SYTL5: variants seen among roughly 807,000 people sequenced by gnomAD.
SYTL5 encodes the protein synaptotagmin like 5.
Under a neutral mutation model 55.9 loss-of-function variants are expected in SYTL5, and 34 were observed. That is an observed-to-expected ratio of 0.61 (90% CI 0.46 to 0.81). The LOEUF is 0.81. SYTL5 is among the 30% of genes least tolerant of loss of function. The probability of loss-of-function intolerance (pLI) is 0.00; values close to 1 mark genes in which losing one functional copy is unlikely to be tolerated. For synonymous variants in SYTL5, 221 were observed against 188.7 expected, an observed-to-expected ratio of 1.17 and a Z score of -1.40; for missense variants, 637 against 546.7, an observed-to-expected ratio of 1.17 and a Z score of -1.65.
intron 3 of SYTL5, among the ~76,000 whole-genome samples, chrX:38,060,677 T>C (rs1188698680): frequency 8.9e-6 from 1 of 112,071 alleles, no homozygotes; most frequent in Non-Finnish European, 1.9e-5. Context: ...GTCAGGAGCA[T>C]GGGATTAAAA....
At chrX:37,973,760 G>A in the SYTL5 span, among the ~76,000 whole-genome samples, 6 of 110,124 alleles carry the variant, frequency 5.4e-5, no homozygotes, top group Non-Finnish European at 7.6e-5. Flanking sequence ...TCAGCCTCCC[G>A]AGTAGCTGGG....
At chrX:38,114,223 C>T (rs779953537) in intron 13 of SYTL5, among the ~76,000 whole-genome samples, 6 of 111,648 alleles carry the variant, frequency 5.4e-5, no homozygotes, top group African/African-American at 1.6e-4. Context: ...TCTACACAAC[C>T]CCCATCATAT....
intron 2 of SYTL5, among the ~76,000 whole-genome samples, chrX:38,036,199 G>C (rs775700029): frequency 1.8e-5 from 2 of 110,392 alleles, no homozygotes; most frequent in East Asian, 5.7e-4. Flanking sequence ...CCAGCTACTC[G>C]GGAGGCTGAG....
the SYTL5 span, among the ~76,000 whole-genome samples, chrX:37,972,177 C>T: frequency 9.0e-6 from 1 of 110,897 alleles, no homozygotes; most frequent in Non-Finnish European, 1.9e-5. Flanking sequence ...GAGCAAATGC[C>T]CTTTCTCTTC....
chrX:38,003,367 C>CT (rs1380574247), upstream of SYTL5, among the ~76,000 whole-genome samples: 1 of 111,287 alleles, frequency 9.0e-6, no homozygotes, highest in Non-Finnish European at 1.9e-5. Context: ...TGATAGGCAA[C>CT]TTCAGCAAAG....
intron 1 of SYTL5, among the ~76,000 whole-genome samples, chrX:38,020,687 A>T (rs1226984559): frequency 3.7e-5 from 4 of 109,384 alleles, no homozygotes; most frequent in African/African-American, 1.3e-4. Context: ...AATCAAAGGG[A>T]ATGGAGGTTT....
intron 5 of SYTL5, among the ~76,000 whole-genome samples, chrX:38,075,543 A>G (rs1936369643): frequency 8.9e-6 from 1 of 111,739 alleles, no homozygotes; most frequent in Admixed American, 9.5e-5. Context: ...CACAAAACGG[A>G]GGAAGAGTGA....
At chrX:38,081,055 A>G (rs1201113817) in intron 6 of SYTL5, among the ~76,000 whole-genome samples, 2 of 112,479 alleles carry the variant, frequency 1.8e-5, no homozygotes, top group African/African-American at 3.2e-5. Flanking sequence ...TTTATTCTAT[A>G]ATGATCGTTC....
Position 38,076,671 on chromosome X carries a change from G to A in SYTL5, c.659G>A (p.Arg220Gln), listed in dbSNP as rs765804479. ...YSLDLDGQHF[R>Q]SLKSPPGSDR... The stretch of plus-strand genomic sequence containing the variant: ...TTGGACTTAGACGGTCAACATTTTC[G>A]GAGTTTAAAATCACCTCCTGGTTCA... The change falls in exon 6 of 17, where the codon CGG (arginine) becomes CAG (glutamine). Residue 220 changes from arginine to glutamine, a missense_variant. Arg to Gln is a conservative substitution (Grantham distance 43, BLOSUM62 1). Transcript: ENST00000297875. 1.5e-5 allele frequency: 18 copies of A among 1,208,631 alleles called. No homozygotes were observed. Among genetic ancestry groups the A allele is most frequent in the South Asian group, 5.3e-5 (3 of 56,673 alleles).
At chrX:38,053,302 T>C (rs1352778321) in intron 2 of SYTL5, among the ~76,000 whole-genome samples, 5 of 112,618 alleles carry the variant, frequency 4.4e-5, no homozygotes, top group African/African-American at 6.4e-5. Context: ...AGAAGGGACA[T>C]GGAACCTATG....
chrX:37,936,865 A>C, the SYTL5 span, among the ~76,000 whole-genome samples: 1 of 105,540 alleles, frequency 9.5e-6, no homozygotes, highest in African/African-American at 3.6e-5. Context: ...AACATGGAGA[A>C]ACCCTGTCTC....
At chrX:38,117,018 G>T (rs1025655045) in intron 13 of SYTL5, among the ~76,000 whole-genome samples, 3 of 112,204 alleles carry the variant, frequency 2.7e-5, no homozygotes, top group Non-Finnish European at 3.8e-5. Context: ...ACAGCACTTA[G>T]CAAAATGCCT....
intron 6 of SYTL5, among the ~76,000 whole-genome samples, chrX:38,087,706 G>A (rs1194682266): frequency 1.8e-5 from 2 of 111,630 alleles, no homozygotes; most frequent in African/African-American, 6.5e-5. Context: ...TTGCTCCTTT[G>A]ATTAACTTCT....
intron 1 of SYTL5, among the ~76,000 whole-genome samples, chrX:38,007,513 T>C (rs1040697111): frequency 2.7e-5 from 3 of 111,846 alleles, no homozygotes; most frequent in Admixed American, 9.5e-5. Flanking sequence ...GAGTTATATA[T>C]TTATAGCATT....
At chrX:38,012,498 C>A (rs1934220212) in intron 1 of SYTL5, among the ~76,000 whole-genome samples, 1 of 111,769 alleles carries the variant, frequency 8.9e-6, no homozygotes, top group Non-Finnish European at 1.9e-5. Flanking sequence ...AAGAAGCCAT[C>A]AGATAATGAT....
chrX:38,053,390 T>C (rs771513283), intron 2 of SYTL5, among the ~76,000 whole-genome samples: 1 of 112,706 alleles, frequency 8.9e-6, no homozygotes, highest in South Asian at 3.7e-4. Flanking sequence ...ATATTATTAC[T>C]CTCATTTTAG....
At chrX:37,893,685 A>T in the SYTL5 span, among the ~76,000 whole-genome samples, 275 of 67,560 alleles carry the variant, frequency 4.1e-3, 3 homozygotes, top group African/African-American at 0.021. Flanking sequence ...CTATAGATAA[A>T]CTATAGATTA....
chrX:38,095,592 T>C (rs1009130274), intron 8 of SYTL5, among the ~76,000 whole-genome samples: 3 of 111,935 alleles, frequency 2.7e-5, no homozygotes, highest in African/African-American at 9.7e-5. Context: ...TGAAAGACTC[T>C]TCTGGTCCAT....
chrX:38,125,305 C>T lies in SYTL5; in HGVS notation c.1849C>T (p.Leu617Phe), dbSNP rs2147730929. 8.3e-6 allele frequency: 10 copies of T among 1,210,240 alleles called. No individual in the cohort carries two copies. The highest frequency in any genetic ancestry group is 1.1e-5 in the Non-Finnish European group (10 of 894,527). The part of the protein sequence containing the change: ...TSDSFVKGYL[L>F]PDDSKATKHK... ...TTGTTTTTTCTCATGCAGCTACCTG[C>T]TCCCTGATGATAGCAAAGCCACCAA... The change falls in exon 16 of 17, where the codon CTC (leucine) becomes TTC (phenylalanine). Residue 617 changes from leucine (L) to phenylalanine (F), a missense_variant. Physicochemically the swap from Leu to Phe is conservative, Grantham distance 22 (BLOSUM62 0). Coordinates refer to ENST00000297875, the MANE Select transcript of SYTL5 (RefSeq NM_138780.3).
Sources: allele counts gnomAD v4.1 joint callset (sites outside exome capture counted in the v4.1 genomes callset), GRCh38; gene constraint gnomAD v4.1.1; transcripts MANE v1.5; gene names NCBI Gene and HGNC (gene_info 2026-07-23, HGNC 2026-07-21).